The following TNNI3K variants were observed in gnomAD, a reference collection of about 807,000 sequenced individuals.
TNNI3K encodes the protein serine/threonine-protein kinase TNNI3K.
Under a neutral mutation model 114.5 loss-of-function variants are expected in TNNI3K, and 140 were observed. The ratio of observed to expected loss-of-function variants is 1.22; its 90% CI spans 1.07 to 1.41. The LOEUF is 1.41. Among genes scored for constraint, TNNI3K ranks in the 40% most tolerant of loss-of-function variants. The pLI is 0.00. For missense variants in TNNI3K, 1,125 were observed against 1,007.6 expected (o/e 1.12, Z -1.58); for synonymous variants, 347 against 347.5 (o/e 1.00, Z 0.02).
intron 17 of TNNI3K, among the ~76,000 whole-genome samples, chr1:74,409,038 A>G (rs1212019426): frequency 3.9e-5 from 6 of 152,114 alleles, no homozygotes; most frequent in Admixed American, 3.9e-4. Flanking sequence ...AGAATTAACT[A>G]TTCTATCAAA....
intron 3 of TNNI3K, among the ~76,000 whole-genome samples, chr1:74,250,427 G>C (rs534235950): frequency 1.3e-5 from 2 of 152,202 alleles, no homozygotes; most frequent in East Asian, 3.9e-4. Flanking sequence ...CTGATGATGA[G>C]GGTACTAAAT....
intron 9 of TNNI3K, among the ~76,000 whole-genome samples, chr1:74,346,961 C>G (rs1177187032): frequency 6.6e-6 from 1 of 151,172 alleles, no homozygotes; most frequent in Non-Finnish European, 1.5e-5. Context: ...CCCTAATGAC[C>G]CCATTTTAAA....
At chr1:74,436,563 A>G (rs199800339) in intron 19 of TNNI3K, 37 bp downstream of exon 19, 18 of 1,567,692 alleles carry the variant, frequency 1.1e-5, no homozygotes, top group Admixed American at 6.4e-5. Flanking sequence ...ATTATAAACC[A>G]ATTAAAATAT....
At chr1:74,380,957 A>G (rs114499281) in intron 17 of TNNI3K, among the ~76,000 whole-genome samples, 63 of 152,272 alleles carry the variant, frequency 4.1e-4, no homozygotes, top group Admixed American at 7.8e-4. Context: ...ATGAGAAACA[A>G]TCTTAATAAG....
intron 5 of TNNI3K, among the ~76,000 whole-genome samples, chr1:74,278,623 A>T (rs982293296): frequency 6.6e-6 from 1 of 152,202 alleles, no homozygotes; most frequent in Non-Finnish European, 1.5e-5. Flanking sequence ...TTCATATACC[A>T]TATAATTCAT....
chr1:74,244,260 T>C (rs1038579867), intron 2 of TNNI3K, among the ~76,000 whole-genome samples: 1 of 152,072 alleles, frequency 6.6e-6, no homozygotes, highest in African/African-American at 2.4e-5. Context: ...TTGATTCATT[T>C]TGTTGACATT....
intron 23 of TNNI3K, among the ~76,000 whole-genome samples, chr1:74,527,148 T>C (rs1287578735): frequency 2.0e-5 from 3 of 152,180 alleles, no homozygotes; most frequent in African/African-American, 7.2e-5. Context: ...TACCTTCAGG[T>C]CACTGTAAAC....
At chr1:74,497,229 A>G (rs1669374838) in intron 23 of TNNI3K, among the ~76,000 whole-genome samples, 1 of 152,106 alleles carries the variant, frequency 6.6e-6, no homozygotes, top group Non-Finnish European at 1.5e-5. Flanking sequence ...AAGAAGGGAG[A>G]GCAGCAAGGG....
At chr1:74,433,054 C>A (rs1425128776) in intron 17 of TNNI3K, among the ~76,000 whole-genome samples, 1 of 151,758 alleles carries the variant, frequency 6.6e-6, no homozygotes, top group Non-Finnish European at 1.5e-5. Context: ...CTCAATTTTA[C>A]TCCCTTCTCT....
intron 23 of TNNI3K, among the ~76,000 whole-genome samples, chr1:74,499,247 T>A (rs1465383110): frequency 6.6e-6 from 1 of 152,216 alleles, no homozygotes; most frequent in Non-Finnish European, 1.5e-5. Context: ...GCTCAAGCAA[T>A]CCTCCTGCCT....
intron 5 of TNNI3K, among the ~76,000 whole-genome samples, chr1:74,322,789 C>T (rs1475544002): frequency 6.6e-6 from 1 of 152,034 alleles, no homozygotes; most frequent in Non-Finnish European, 1.5e-5. Flanking sequence ...ATCCATTCTC[C>T]ATCTCCAGGC....
At chr1:74,267,473 T>TA (rs1489942734) in intron 4 of TNNI3K, among the ~76,000 whole-genome samples, 4 of 151,950 alleles carry the variant, frequency 2.6e-5, no homozygotes, top group Admixed American at 1.3e-4. Flanking sequence ...CTTCAACACT[T>TA]ACAAAGTAAG....
chr1:74,322,195 A>G (rs947635096), intron 5 of TNNI3K, among the ~76,000 whole-genome samples: 2 of 152,186 alleles, frequency 1.3e-5, no homozygotes, highest in Admixed American at 6.5e-5. Context: ...TGATTGAGAG[A>G]TTGACCCCAA....
chr1:74,418,278 A>G, intron 17 of TNNI3K: 1 of 398,304 alleles, frequency 2.5e-6, no homozygotes, highest in Non-Finnish European at 5.0e-6. Context: ...TCAGTTCCTA[A>G]CGAATGAAGT....
chr1:74,469,674 T>C (rs1420772888), intron 21 of TNNI3K: 2 of 380,720 alleles, frequency 5.3e-6, no homozygotes, highest in Non-Finnish European at 9.3e-6. Context: ...CAGTTAATTG[T>C]GTCAGACGTA....
intron 20 of TNNI3K, among the ~76,000 whole-genome samples, chr1:74,457,616 A>G (rs1354465209): frequency 6.6e-6 from 1 of 152,222 alleles, no homozygotes; most frequent in Non-Finnish European, 1.5e-5. Flanking sequence ...TTGAAAAATT[A>G]AGATACTTCT....
chr1:74,423,691 C>T (rs17095278), intron 17 of TNNI3K, among the ~76,000 whole-genome samples: 3,459 of 152,210 alleles, frequency 0.023, 125 homozygotes, highest in African/African-American at 0.08. Context: ...TATGGTTTAA[C>T]TGTTTAGTCA....
chr1:74,358,174 A>G (rs933149568), intron 11 of TNNI3K, among the ~76,000 whole-genome samples: 2 of 152,100 alleles, frequency 1.3e-5, no homozygotes, highest in Admixed American at 6.6e-5. Flanking sequence ...AAACAGAACT[A>G]AAAACTTCTT....
Position 74,249,513 on chromosome 1 carries a change from G to A in TNNI3K, c.204G>A (p.Leu68=). 6.2e-7 allele frequency: 1 copy of A among 1,613,460 alleles called. No homozygotes were observed. The highest frequency in any genetic ancestry group is 8.5e-7 in the Non-Finnish European group (1 of 1,179,712). The stretch of plus-strand genomic sequence containing the variant: ...TAAATTACCGCACTGAAAATGGGCT[G>A]TCTCTACTTCATTTATGTTGCATTT... ...VNLNYRTENG[L]SLLHLCCICG... is the part of the protein sequence containing the mutation. Residue 68 remains leucine, a synonymous_variant, in exon 3 of 25, where the codon CTG becomes CTA. Transcript: ENST00000326637.
Sources: allele counts gnomAD v4.1 joint callset (sites outside exome capture counted in the v4.1 genomes callset), GRCh38; gene constraint gnomAD v4.1.1; transcripts MANE v1.5; gene names NCBI Gene and HGNC (gene_info 2026-07-23, HGNC 2026-07-21).